The following NHSL1 variants were observed in gnomAD, a reference collection of about 807,000 sequenced individuals.
The protein encoded by NHSL1 is NHS like 1, also known as NHS-like protein 1.
Under a neutral mutation model 95.0 loss-of-function variants are expected in NHSL1, and 48 were observed. The observed-to-expected ratio is 0.51, with a 90% CI of 0.40 to 0.64. The LOEUF (loss-of-function observed/expected upper bound fraction) is 0.64, where lower values mean the gene tolerates loss of function less well. Among genes scored for constraint, NHSL1 ranks in the 30% least tolerant of loss-of-function variants. The pLI is 0.00. For synonymous variants in NHSL1, 783 were observed against 833.9 expected (o/e 0.94, Z 1.05); for missense variants, 1,971 against 2,077.7 (o/e 0.95, Z 1.00).
chr6:138,440,690 C>T (rs181583884), intron 5 of NHSL1, among the ~76,000 whole-genome samples: 1 of 152,356 alleles, frequency 6.6e-6, no homozygotes, highest in East Asian at 1.9e-4. Flanking sequence ...AGTCTGTGCT[C>T]TCTAATACAA....
intron 1 of NHSL1, among the ~76,000 whole-genome samples, chr6:138,527,882 G>C (rs1781976879): frequency 6.6e-6 from 1 of 152,226 alleles, no homozygotes; most frequent in African/African-American, 2.4e-5. Flanking sequence ...AAAGAGCTGG[G>C]ACCTCGGGAA....
At chr6:138,429,050 A>C (rs1257261398) in intron 7 of NHSL1, among the ~76,000 whole-genome samples, 1 of 152,236 alleles carries the variant, frequency 6.6e-6, no homozygotes, top group Non-Finnish European at 1.5e-5. Flanking sequence ...TTTACTCTTA[A>C]AGGTGACCAC....
intron 1 of NHSL1, among the ~76,000 whole-genome samples, chr6:138,606,116 A>G (rs1316508385): frequency 6.6e-6 from 1 of 152,162 alleles, no homozygotes; most frequent in East Asian, 1.9e-4. Context: ...CTGCATTCTC[A>G]CAGCCCCCTG....
At chr6:138,621,472 ATTT>A (rs35502435) in intron 1 of NHSL1, among the ~76,000 whole-genome samples, 3 of 148,812 alleles carry the variant, frequency 2.0e-5, no homozygotes, top group African/African-American at 7.4e-5. Context: ...AGTATCATTG[ATTT>A]TTTTTTTTTC....
In NHSL1 at chr6:138,650,206, T is replaced by C. The variant is rs1785071862; in HGVS notation, c.96+42270A>G. On this transcript the variant is annotated intron_variant, in intron 1 of 3. Transcript: ENST00000491526. Reference sequence around the variant, plus strand: ...GTGGCCAGGTTAAGACTGTGTTTTTTAGATGATTCAGGTTACTCCAGGGTG... The same window carrying C: ...GTGGCCAGGTTAAGACTGTGTTTTTCAGATGATTCAGGTTACTCCAGGGTG... 1.3e-5 allele frequency: 8 copies of C among 608,534 alleles called. No individual in the cohort carries two copies. In the Admixed American group the frequency reaches 1.6e-4, roughly 13 times the overall value. The allele number at this position is 608,534 out of a possible 1,614,324, so 37.7% of individuals were successfully genotyped here. A position where few individuals can be genotyped will look rare whatever the true frequency, so the allele number is the denominator to read the frequency against.
At chr6:138,542,954 A>G (rs926987480) in intron 1 of NHSL1, among the ~76,000 whole-genome samples, 1 of 152,060 alleles carries the variant, frequency 6.6e-6, no homozygotes, top group Non-Finnish European at 1.5e-5. Flanking sequence ...TGTGGAGACA[A>G]GGTCTCCCTA....
At chr6:138,491,527 G>T (rs745360455) in intron 2 of NHSL1, among the ~76,000 whole-genome samples, 1 of 152,158 alleles carries the variant, frequency 6.6e-6, no homozygotes, top group Non-Finnish European at 1.5e-5. Context: ...GCCAGATTTA[G>T]GTTACTTATC....
rs191922932 is a variant in NHSL1, at chr6:138,485,174, G to C, written c.211+11045C>G. ...GCCTGCAAAGATTCTAAGCCAACAC[G>C]GGAGACTTCGGTTGTATCGTGAATG... On this transcript the variant is annotated intron_variant, in intron 2 of 7. Transcript: ENST00000343505. 1.1e-3 allele frequency among the ~76,000 whole-genome samples: 170 copies of C among 152,214 alleles called. 1 individual carries two copies. Among genetic ancestry groups the C allele is most frequent in the African/African-American group, 3.6e-3 (151 of 41,520 alleles).
At chr6:138,650,163 G>T in intron 1 of NHSL1, 1 of 559,576 alleles carries the variant, frequency 1.8e-6, no homozygotes, top group South Asian at 1.5e-5. Context: ...ATCCCGAGAT[G>T]GTCAGGCCTC....
intron 1 of NHSL1, among the ~76,000 whole-genome samples, chr6:138,569,824 T>G (rs1244294479): frequency 6.6e-6 from 1 of 152,206 alleles, no homozygotes; most frequent in Non-Finnish European, 1.5e-5. Flanking sequence ...AGCAGCTTTT[T>G]AAGGATTCTT....
At chr6:138,429,435 C>T (rs567094813) in intron 7 of NHSL1, among the ~76,000 whole-genome samples, 13 of 152,284 alleles carry the variant, frequency 8.5e-5, no homozygotes, top group African/African-American at 2.9e-4. Context: ...TTATGACTGC[C>T]ACACTGCGCT....
At chr6:138,480,532 C>T (rs1380482872) in intron 2 of NHSL1, among the ~76,000 whole-genome samples, 2 of 152,250 alleles carry the variant, frequency 1.3e-5, no homozygotes, top group Middle Eastern at 3.4e-3. Flanking sequence ...GTAGTGTTGA[C>T]GTGTATGAGT....
chr6:138,691,746 T>C, intron 1 of NHSL1: 1 of 353,656 alleles, frequency 2.8e-6, no homozygotes, highest in Non-Finnish European at 5.6e-6. Context: ...GCTGCTGAAA[T>C]GAAATGGATC....
chr6:138,672,492 TA>T (rs200249358), intron 1 of NHSL1, among the ~76,000 whole-genome samples: 5,098 of 152,168 alleles, frequency 0.034, 92 homozygotes, highest in Middle Eastern at 0.078. Flanking sequence ...AACCATAGTA[TA>T]CTAAAAGAAC....
chr6:138,531,351 G>C (rs1002750012), intron 1 of NHSL1, among the ~76,000 whole-genome samples: 1 of 152,132 alleles, frequency 6.6e-6, no homozygotes, highest in Non-Finnish European at 1.5e-5. Context: ...ACAGAATACT[G>C]TGGTATTTCC....
At position 138,433,561 on chromosome 6, in the gene NHSL1, A is replaced by G. The variant is rs1160222016; in HGVS notation, c.784T>C (p.Ser262Pro). 1.2e-5 allele frequency: 19 copies of G among 1,551,848 alleles called. No individual in the cohort carries two copies. The highest frequency in any genetic ancestry group is 1.4e-5 in the Non-Finnish European group (16 of 1,147,050). ...SAGQRSETRD[S>P]SCQTEDVKVV... Reference sequence around the variant, plus strand: ...TTCACATCCTCCGTCTGACAGCTGGAGTCCCTGGTTTCTGAGCGCTGCCCA... The same window carrying G: ...TTCACATCCTCCGTCTGACAGCTGGGGTCCCTGGTTTCTGAGCGCTGCCCA... Residue 262 changes from serine to proline, a missense_variant, in exon 6 of 8, where the codon TCC becomes CCC. Transcript: ENST00000343505.
intron 1 of NHSL1, among the ~76,000 whole-genome samples, chr6:138,604,662 G>C (rs887309512): frequency 1.3e-5 from 2 of 152,148 alleles, no homozygotes. Context: ...GTCTCACACT[G>C]TCGCCCAGGC....
At position 138,437,345 on chromosome 6, in the gene NHSL1, C is replaced by CACAT. The variant is rs1554222016; in HGVS notation, c.665-3666_665-3665insATGT. 2.3e-3 allele frequency among the ~76,000 whole-genome samples: 225 copies of CACAT among 96,324 alleles called. 6 individuals carry two copies. Among genetic ancestry groups the CACAT allele is most frequent in the African/African-American group, 8.6e-3 (191 of 22,192 alleles). The allele number at this position is 96,324 out of a possible 152,430, so 63.2% of individuals were successfully genotyped here. A position where few individuals can be genotyped will look rare whatever the true frequency, so the allele number is the denominator to read the frequency against. ...ACACACACACATATATATATATACA[C>CACAT]ATATATATATACACATATATATATA... On this transcript the variant is annotated intron_variant, in intron 5 of 7. Coordinates refer to ENST00000343505, the MANE Select transcript of NHSL1 (RefSeq NM_001144060.2).
At chr6:138,509,994 C>G (rs1021629703) in intron 1 of NHSL1, among the ~76,000 whole-genome samples, 1 of 152,184 alleles carries the variant, frequency 6.6e-6, no homozygotes, top group Admixed American at 6.5e-5. Flanking sequence ...GATGAAGATT[C>G]TGAAATCACT....
Sources: allele counts gnomAD v4.1 joint callset (sites outside exome capture counted in the v4.1 genomes callset), GRCh38; gene constraint gnomAD v4.1.1; transcripts MANE v1.5; gene names NCBI Gene and HGNC (gene_info 2026-07-23, HGNC 2026-07-21).